The following CACNA1I variants were observed in gnomAD, a reference collection of about 807,000 sequenced individuals.
CACNA1I encodes calcium voltage-gated channel subunit alpha1 I.
CACNA1I carries 74 observed loss-of-function variants against 201.6 expected under a neutral mutation model. The ratio of observed to expected loss-of-function variants is 0.37; its 90% CI spans 0.30 to 0.45. The LOEUF (loss-of-function observed/expected upper bound fraction) is 0.45. Ranked by LOEUF, CACNA1I falls within the 20% of genes least tolerant of loss-of-function variation. The pLI is 1.00. For missense variants in CACNA1I, 2,346 were observed against 3,138.1 expected (o/e 0.75, Z 6.03); for synonymous variants, 1,431 against 1,345.2 (o/e 1.06, Z -1.40).
At position 39,674,047 on chromosome 22, in the gene CACNA1I, T is replaced by G. The variant is rs1481730481; in HGVS notation, c.4854+14T>G. 1.9e-6 allele frequency: 3 copies of G among 1,612,374 alleles called. No individual in the cohort carries two copies. The African/African-American group carries it at 4.0e-5, about 22-fold the overall frequency. On this transcript the variant is annotated intron_variant, in intron 29 of 36. Transcript: ENST00000402142. ...GCTTTGCCCCAGGTAAGAGCCACTCTTTCTGGCAGCCCTCCTAGGGGTCAT... is the reference window on the plus strand; with the variant it reads ...GCTTTGCCCCAGGTAAGAGCCACTCGTTCTGGCAGCCCTCCTAGGGGTCAT...
intron 10 of CACNA1I, among the ~76,000 whole-genome samples, chr22:39,654,172 G>T (rs1224610973): frequency 6.6e-6 from 1 of 152,234 alleles, no homozygotes; most frequent in East Asian, 1.9e-4. Context: ...GCTTGCCCAA[G>T]GTGCCAGGGT....
At position 39,658,218 on chromosome 22, in the gene CACNA1I, A is replaced by G. The variant is rs1473593460; in HGVS notation, c.2059A>G (p.Met687Val). Residue 687 changes from methionine to valine, a missense_variant, in exon 11 of 37, where the codon ATG becomes GTG. By Grantham distance (21) the Met-to-Val change is conservative (BLOSUM62 1). Around this residue, in one of 13 missense-constraint regions of CACNA1I, gnomAD observed 155 missense variants for 300.8 expected, o/e 0.52. Transcript: ENST00000402142. Reference protein sequence around the residue: ...VVFTSMFALEMILKLAAFGLF... With the variant: ...VVFTSMFALEVILKLAAFGLF... ...CTTCACCAGCATGTTTGCCCTGGAGATGATCCTGAAGCTGGCTGCATTTGG... is the reference window on the plus strand; with the variant it reads ...CTTCACCAGCATGTTTGCCCTGGAGGTGATCCTGAAGCTGGCTGCATTTGG... 6.2e-7 allele frequency: 1 copy of G among 1,613,898 alleles called. No homozygotes were observed. Among genetic ancestry groups the G allele is most frequent in the East Asian group, 2.2e-5 (1 of 44,882 alleles).
chr22:39,677,483 G>C lies in CACNA1I; in HGVS notation c.4933+64G>C. The C allele has an allele frequency of 8.5e-7, 1 of 1,178,162 alleles. No individual in the cohort carries two copies. Among genetic ancestry groups the C allele is most frequent in the South Asian group, 1.5e-5 (1 of 66,338 alleles). The allele number at this position is 1,178,162 out of a possible 1,614,324, so 73.0% of individuals were successfully genotyped here. ...GCAGGGCTGCAGGAGGAACTGGGGG[G>C]GCGGGGGAGGCCTGAGACCCCTGAG... On this transcript the variant is annotated intron_variant, in intron 30 of 36. Transcript: ENST00000402142. This position sits in a 1 kb window ranked among gnomAD's most constrained non-coding sequence, Gnocchi z 4.8.
rs751904410 is a variant in CACNA1I, at chr22:39,679,357, C to G, written c.5306C>G (p.Pro1769Arg). The change falls in exon 32 of 37, where the codon CCG becomes CGG. Residue 1769 changes from proline (P) to arginine (R), a missense_variant. Physicochemically the swap from Pro to Arg is moderately radical, Grantham distance 103. Around this residue, in one of 13 missense-constraint regions of CACNA1I, gnomAD observed 441 missense variants for 555.6 expected, o/e 0.79. Transcript: ENST00000402142. ...GPGPRLPTGS[P>R]GAPGRGPGGA... ...GGCCCGAGGCTGCCTACCGGCTCCC[C>G]GGGCGCCCCTGGCCGAGGGCCGGGA... 3 of 1,537,794 alleles carry G rather than the reference C, an allele frequency of 2.0e-6. No individual in the cohort carries two copies. The East Asian group carries it at 7.5e-5, about 38-fold the overall frequency.
chr22:39,663,867 G>A, intron 19 of CACNA1I, 26 bp downstream of exon 19: 1 of 1,612,504 alleles, frequency 6.2e-7, no homozygotes, highest in Non-Finnish European at 8.5e-7. Flanking sequence ...CTTTGGGCAG[G>A]GCAGGCGCCA....
intron 26 of CACNA1I, among the ~76,000 whole-genome samples, chr22:39,671,584 G>C (rs1220182818): frequency 6.6e-6 from 1 of 152,204 alleles, no homozygotes; most frequent in East Asian, 1.9e-4. Context: ...TGAGGAGCAA[G>C]TGCATTCTAA....
intron 17 of CACNA1I, 97 bp downstream of exon 17, chr22:39,662,532 G>GGGGGCGTGGCC: frequency 2.1e-6 from 2 of 974,378 alleles, no homozygotes; most frequent in Non-Finnish European, 2.9e-6. Context: ...CGGGCCCACG[G>GGGGGCGTGGCC]GGGGCGTGGC....
chr22:39,647,788 G>C (rs565961010), intron 8 of CACNA1I, 34 bp from the exon 9 acceptor site: 4 of 1,411,216 alleles, frequency 2.8e-6, no homozygotes, highest in Non-Finnish European at 4.0e-6. Flanking sequence ...GTCCTGAGAA[G>C]GGAGAAGATA....
intron 10 of CACNA1I, among the ~76,000 whole-genome samples, chr22:39,651,524 T>C (rs9611209): frequency 0.41 from 61,648 of 152,046 alleles, 13,758 homozygotes; most frequent in East Asian, 0.97. Flanking sequence ...ACCCCCTTGC[T>C]TAGAGTTCAG....
At chr22:39,674,651 TC>T (rs1364922374) in intron 29 of CACNA1I, among the ~76,000 whole-genome samples, 2 of 152,126 alleles carry the variant, frequency 1.3e-5, no homozygotes, top group Non-Finnish European at 2.9e-5. Context: ...AATTCTGCAA[TC>T]CCAGTCCTTC....
rs1054412820 is a variant in CACNA1I, at chr22:39,685,687, G to C, written c.6028-74G>C. 2 of 1,251,826 alleles carry C rather than the reference G, an allele frequency of 1.6e-6. No homozygotes were observed. Among genetic ancestry groups the C allele is most frequent in the South Asian group, 1.8e-5 (1 of 56,948 alleles). The allele number at this position is 1,251,826 out of a possible 1,614,324, so 77.5% of individuals were successfully genotyped here. On this transcript the variant is annotated intron_variant, in intron 36 of 36. Coordinates refer to ENST00000402142, the MANE Select transcript of CACNA1I (RefSeq NM_021096.4). The surrounding 1 kb of genome is among the most constrained non-coding windows in gnomAD (Gnocchi z 5.0). ...GGGGTCTGCCTGCTGCCTGCTGTGC[G>C]GGGGAGGGCGGCGTCCAGGTTGCTG...
chr22:39,588,320 A>G (rs1355745113), intron 1 of CACNA1I, among the ~76,000 whole-genome samples: 1 of 149,748 alleles, frequency 6.7e-6, no homozygotes, highest in Non-Finnish European at 1.5e-5. Context: ...ATTGAGGTTA[A>G]ATGTACAAGT....
chr22:39,646,165 C>T (rs770983491), intron 7 of CACNA1I, among the ~76,000 whole-genome samples: 1 of 152,068 alleles, frequency 6.6e-6, no homozygotes, highest in Non-Finnish European at 1.5e-5. Flanking sequence ...GAGGCCTCAG[C>T]GATCTTTTCC....
rs1867538266 is a variant in CACNA1I, at chr22:39,665,440, G to A, written c.3852-58G>A. On this transcript the variant is annotated intron_variant, in intron 21 of 36. Transcript: ENST00000402142. This position sits in a 1 kb window ranked among gnomAD's most constrained non-coding sequence, Gnocchi z 5.5. ...GCCCTGGTGACTCTGGGCTGAGTAG[G>A]GGCTGCCTCCTGGCCTGGCCAAGGG... The A allele has an allele frequency of 9.4e-6, 15 of 1,600,976 alleles. No homozygotes were observed. In the South Asian group the frequency reaches 1.6e-4, roughly 17 times the overall value.
intron 1 of CACNA1I, among the ~76,000 whole-genome samples, chr22:39,596,453 G>A (rs1238755835): frequency 1.4e-5 from 1 of 74,012 alleles, no homozygotes; most frequent in Non-Finnish European, 2.6e-5. Context: ...GAGGGAGATC[G>A]GGGGGCAGGG....
Position 39,686,135 on chromosome 22 carries a change from C to T in CACNA1I, c.6402C>T (p.Ser2134=), listed in dbSNP as rs1320402728. 3.1e-6 allele frequency: 4 copies of T among 1,273,776 alleles called. No individual in the cohort carries two copies. The highest frequency in any genetic ancestry group is 2.0e-6 in the Non-Finnish European group (2 of 1,012,016). The allele number at this position is 1,273,776 out of a possible 1,614,324, so 78.9% of individuals were successfully genotyped here. A position where few individuals can be genotyped will look rare whatever the true frequency, so the allele number is the denominator to read the frequency against. Residue 2134 remains serine, a synonymous_variant, in exon 37 of 37, where the codon TCC becomes TCT. Coordinates refer to ENST00000402142, the MANE Select transcript of CACNA1I (RefSeq NM_021096.4). The stretch of plus-strand genomic sequence containing the variant: ...CCCTCAGCAGCCTCTCGCTCACCTC[C>T]CTCTTCTGCCCGCCGCCCCCGCCGC... ...SETLSSLSLT[S]LFCPPPPPPA...
intron 33 of CACNA1I, among the ~76,000 whole-genome samples, chr22:39,680,714 C>T (rs1372796508): frequency 1.3e-5 from 2 of 152,202 alleles, no homozygotes; most frequent in Non-Finnish European, 2.9e-5. Context: ...TCAGAGCTGG[C>T]TTCCACTGGA....
intron 7 of CACNA1I, among the ~76,000 whole-genome samples, chr22:39,644,283 G>A (rs950497624): frequency 6.6e-6 from 1 of 152,180 alleles, no homozygotes; most frequent in Admixed American, 6.5e-5. Flanking sequence ...GGTGGCTAAG[G>A]GTACAGTTGG....
rs1834745269 is a variant in CACNA1I, at chr22:39,670,844, C to T, written c.4429C>T (p.Arg1477Trp). The change falls in exon 26 of 37, where the codon CGG (arginine) becomes TGG (tryptophan). Residue 1477 changes from arginine to tryptophan, a missense_variant. Coordinates refer to ENST00000402142, the MANE Select transcript of CACNA1I (RefSeq NM_021096.4). ...CTACTATGCCACCTATTGTCACACCCGGCTGCTCATCCACTCCATGTGCAC... is the reference window on the plus strand; with the variant it reads ...CTACTATGCCACCTATTGTCACACCTGGCTGCTCATCCACTCCATGTGCAC... ...LPYYATYCHT[R>W]LLIHSMCTSH... is the part of the protein sequence containing the mutation. 8 of 1,613,896 alleles carry T rather than the reference C, an allele frequency of 5.0e-6. No individual in the cohort carries two copies. The highest frequency in any genetic ancestry group is 6.8e-6 in the Non-Finnish European group (8 of 1,179,850).
Sources: gnomAD v4.1 joint callset for allele counts (sites outside exome capture counted in the v4.1 genomes callset) on GRCh38, gnomAD v4.1.1 for gene constraint, gnomAD v4.1.1 regional missense constraint, Gnocchi (gnomAD v3.1) non-coding constraint, MANE v1.5 for transcripts, NCBI Gene and HGNC (gene_info 2026-07-23, HGNC 2026-07-21) for gene names.